Variants in SLC35F2 observed in about 807,000 individuals in gnomAD.
SLC35F2 encodes solute carrier family 35 member F2, also known as queuine/queuosine transporter SLC35F2.
SLC35F2 carries 25 observed loss-of-function variants against 38.1 expected under a neutral mutation model. That is an observed-to-expected ratio of 0.66 (90% confidence interval 0.48 to 0.92). The LOEUF is 0.92. SLC35F2 is among the 40% of genes least tolerant of loss of function. The probability of loss-of-function intolerance (pLI) is 0.00; values close to 1 mark genes in which losing one functional copy is unlikely to be tolerated. For missense variants in SLC35F2, 409 were observed against 452.9 expected, an observed-to-expected ratio of 0.90 and a Z score of 0.88; for synonymous variants, 173 against 181.7, an observed-to-expected ratio of 0.95 and a Z score of 0.38.
chr11:107,800,662 G>A (rs1565427493), intron 7 of SLC35F2, among the ~76,000 whole-genome samples: 3 of 152,022 alleles, frequency 2.0e-5, no homozygotes, highest in Admixed American at 6.6e-5. Flanking sequence ...CTGCAGCCTC[G>A]ACCTCCCTGG....
At chr11:107,804,624 G>C in intron 6 of SLC35F2, 94 bp downstream of exon 6, 2 of 931,650 alleles carry the variant, frequency 2.1e-6, no homozygotes, top group Non-Finnish European at 3.3e-6. Context: ...ATTTTACAAA[G>C]ACGTCTAAAT....
chr11:107,806,828 TA>T lies in SLC35F2; in HGVS notation c.462del (p.Phe154LeufsTer9). Reference sequence around the variant, plus strand: ...ATCACTCTGTATCTTGCATGAAGAATAAACCATGACAGAGCCATCAACACAG... The same window carrying T: ...ATCACTCTGTATCTTGCATGAAGAATAACCATGACAGAGCCATCAACACAG... ...GIPVLMALSWFILHARYRVIH... is the reference protein window; with the variant it reads ...GIPVLMALSWXILHARYRVIH... On this transcript the variant is annotated frameshift_variant, in exon 4 of 8. Transcript: ENST00000525815. LOFTEE classifies it high-confidence loss of function. 6.2e-7 allele frequency: 1 copy of T among 1,614,012 alleles called. No homozygotes were observed. Among genetic ancestry groups the T allele is most frequent in the Non-Finnish European group, 8.5e-7 (1 of 1,179,956 alleles).
rs1394367437 is a variant in SLC35F2 at position 107,792,736 on chromosome 11, G to A, written c.1004C>T (p.Thr335Ile). The A allele has an allele frequency of 3.7e-6, 6 of 1,613,804 alleles. No homozygotes were observed. The Admixed American group carries it at 1.0e-4, about 27-fold the overall frequency. Reference sequence around the variant, plus strand: ...AGCCGGCTCGGCCGTGCGAGTAGGGGTGGAGCAGTACAGGATAAACCCCAC... The same window carrying A: ...AGCCGGCTCGGCCGTGCGAGTAGGGATGGAGCAGTACAGGATAAACCCCAC... Reference protein sequence around the residue: ...IMVGFILYCSTPTRTAEPAES... With the variant: ...IMVGFILYCSIPTRTAEPAES... Residue 335 changes from threonine to isoleucine, a missense_variant, in exon 8 of 8, where the codon ACC becomes ATC. Thr to Ile is a moderately conservative substitution (Grantham distance 89, BLOSUM62 -1). Transcript: ENST00000525815.
At chr11:107,825,649 C>T (rs539260000) in intron 1 of SLC35F2, among the ~76,000 whole-genome samples, 19 of 152,154 alleles carry the variant, frequency 1.2e-4, no homozygotes, top group African/African-American at 4.6e-4. Context: ...GGATTACAGT[C>T]GTGAGCCACC....
chr11:107,821,124 G>C lies in SLC35F2; in HGVS notation c.111-5159C>G, dbSNP rs116189715. ...CAGGCACAGAAACCCTAACCAAGTG[G>C]CTGATAACCTAATCAAATTGAGAGC... On this transcript the variant is annotated intron_variant, in intron 1 of 7. Coordinates refer to ENST00000525815, the MANE Select transcript of SLC35F2 (RefSeq NM_017515.5). Among the ~76,000 whole-genome samples, 956 of 152,264 alleles carry C rather than the reference G, an allele frequency of 6.3e-3. 15 individuals carry two copies. The highest frequency in any genetic ancestry group is 0.022 in the African/African-American group (926 of 41,538).
intron 1 of SLC35F2, among the ~76,000 whole-genome samples, chr11:107,818,696 A>G (rs954478554): frequency 6.6e-6 from 1 of 150,568 alleles, no homozygotes; most frequent in African/African-American, 2.5e-5. Context: ...AGTACTGTAT[A>G]GTACTCTACC....
intron 7 of SLC35F2, among the ~76,000 whole-genome samples, chr11:107,800,903 C>CT (rs71303238): frequency 0.012 from 1,573 of 126,034 alleles, 31 homozygotes; most frequent in East Asian, 0.068. Context: ...GCTATTACTA[C>CT]TTTTTTTTTT....
chr11:107,858,325 C>T (rs1860329133), intron 1 of SLC35F2, among the ~76,000 whole-genome samples: 1 of 152,234 alleles, frequency 6.6e-6, no homozygotes, highest in African/African-American at 2.4e-5. Context: ...ACTCCTCCTT[C>T]ACAGCATCCC....
rs1470690446 is a variant in SLC35F2 at position 107,818,135 on chromosome 11, A to AG, written c.111-2171_111-2170insC. Among the ~76,000 whole-genome samples, 1,365 of 147,996 alleles carry AG rather than the reference A, an allele frequency of 9.2e-3. 18 individuals carry two copies. The highest frequency in any genetic ancestry group is 0.014 in the Non-Finnish European group (901 of 65,744). On this transcript the variant is annotated intron_variant, in intron 1 of 7. Transcript: ENST00000525815. The stretch of plus-strand genomic sequence containing the variant: ...AAGAAAGAAAGAAAGAAAGAAAGAA[A>AG]AAGAAACAATTGTCAGCTGGGCATA...
chr11:107,819,099 G>T (rs1565433561), intron 1 of SLC35F2, among the ~76,000 whole-genome samples: 2 of 152,308 alleles, frequency 1.3e-5, no homozygotes, highest in South Asian at 4.1e-4. Context: ...ATTCTGCTGG[G>T]AGCAGGAAAC....
intron 1 of SLC35F2, among the ~76,000 whole-genome samples, chr11:107,827,078 T>C (rs1265837866): frequency 6.6e-6 from 1 of 152,126 alleles, no homozygotes; most frequent in East Asian, 1.9e-4. Flanking sequence ...TTCATTGGGA[T>C]ATATAGAAAA....
rs1184494553 is a variant in SLC35F2 at position 107,803,161 on chromosome 11, G to GA, written c.785-7dup. On this transcript the variant is annotated splice_polypyrimidine_tract_variant and splice_region_variant and intron_variant, in intron 6 of 7. Transcript: ENST00000525815. ...AAATGCCACGAACAGCAGGGCTGTG[G>GA]AAAAAAACATGGAATATCTAATATT... The GA allele has an allele frequency of 2.5e-6, 4 of 1,588,422 alleles. No homozygotes were observed. Among genetic ancestry groups the GA allele is most frequent in the Non-Finnish European group, 3.4e-6 (4 of 1,171,508 alleles).
In SLC35F2 at chr11:107,803,106, G is replaced by A. The variant is rs775990616; in HGVS notation, c.834C>T (p.Phe278=). 2 of 1,613,796 alleles carry A rather than the reference G, an allele frequency of 1.2e-6. No individual in the cohort carries two copies. The highest frequency in any genetic ancestry group is 1.3e-5 in the African/African-American group (1 of 74,914). The change falls in exon 7 of 8, where the codon TTC becomes TTT. Residue 278 remains phenylalanine, a synonymous_variant. Coordinates refer to ENST00000525815, the MANE Select transcript of SLC35F2 (RefSeq NM_017515.5). ...FALCMFCLYS[F]MPLVIKVTSA... ...TAGTGACTTTAATCACCAATGGCAT[G>A]AAGCTGTACAGGCAAAACATACACA...
At chr11:107,797,375 A>G (rs564722507) in intron 7 of SLC35F2, among the ~76,000 whole-genome samples, 4 of 150,568 alleles carry the variant, frequency 2.7e-5, no homozygotes, top group African/African-American at 9.8e-5. Flanking sequence ...GGAAGGAGTG[A>G]GACAGAGAGA....
intron 2 of SLC35F2, among the ~76,000 whole-genome samples, chr11:107,815,198 A>G (rs955879190): frequency 7.9e-5 from 12 of 151,810 alleles, no homozygotes; most frequent in Non-Finnish European, 7.4e-5. Context: ...TTTTAATATC[A>G]TCTTAATATT....
intron 1 of SLC35F2, among the ~76,000 whole-genome samples, chr11:107,850,138 C>T (rs1414376601): frequency 6.6e-6 from 1 of 152,078 alleles, no homozygotes; most frequent in African/African-American, 2.4e-5. Context: ...TCTGTAGTGC[C>T]CAAGATTGCT....
At chr11:107,795,341 T>G (rs1262106615) in intron 7 of SLC35F2, among the ~76,000 whole-genome samples, 1 of 152,132 alleles carries the variant, frequency 6.6e-6, no homozygotes, top group East Asian at 1.9e-4. Flanking sequence ...AAGACTTAAA[T>G]ATAAGACCCA....
chr11:107,799,862 T>A (rs942793253), intron 7 of SLC35F2, among the ~76,000 whole-genome samples: 1 of 143,556 alleles, frequency 7.0e-6, no homozygotes, highest in Non-Finnish European at 1.5e-5. Flanking sequence ...CCCGGCACAC[T>A]TTGGCTTTTT....
intron 4 of SLC35F2, chr11:107,805,752 A>G: frequency 1.4e-6 from 1 of 699,976 alleles, no homozygotes; most frequent in Non-Finnish European, 1.8e-6. Flanking sequence ...ATCTCAGCTC[A>G]CTGCAACCTA....
Sources: allele counts gnomAD v4.1 joint callset (sites outside exome capture counted in the v4.1 genomes callset), GRCh38; gene constraint gnomAD v4.1.1; transcripts MANE v1.5; gene names NCBI Gene and HGNC (gene_info 2026-07-23, HGNC 2026-07-21).